The following AKAP13 variants were observed in gnomAD, a reference collection of about 807,000 sequenced individuals.
AKAP13 encodes the protein A-kinase anchor protein 13.
Under a neutral mutation model 264.5 loss-of-function variants are expected in AKAP13, and 80 were observed. That is an observed-to-expected ratio of 0.30 (90% CI 0.25 to 0.36). The LOEUF (loss-of-function observed/expected upper bound fraction) is 0.36. AKAP13 is among the 10% of genes least tolerant of loss of function. AKAP13 has a pLI of 1.00. For synonymous variants in AKAP13, 1,380 were observed against 1,250.2 expected, an observed-to-expected ratio of 1.10 and a Z score of -2.19; for missense variants, 3,712 against 3,435.2, an observed-to-expected ratio of 1.08 and a Z score of -2.01.
intron 15 of AKAP13, among the ~76,000 whole-genome samples, chr15:85,683,197 C>T (rs2084697619): frequency 6.6e-6 from 1 of 152,182 alleles, no homozygotes; most frequent in East Asian, 1.9e-4. Context: ...CTCCTTTCTA[C>T]AGCAGTGGTT....
intron 33 of AKAP13, among the ~76,000 whole-genome samples, chr15:85,737,393 T>C (rs986569750): frequency 6.6e-6 from 1 of 152,226 alleles, no homozygotes; most frequent in Non-Finnish European, 1.5e-5. Context: ...TCTGACTTTG[T>C]AAGCAGAATA....
At chr15:85,658,243 T>C (rs371031007) in intron 11 of AKAP13, among the ~76,000 whole-genome samples, 2 of 152,196 alleles carry the variant, frequency 1.3e-5, no homozygotes, top group African/African-American at 4.8e-5. Flanking sequence ...AAAACCCCTT[T>C]AAAGCTTTGA....
Position 85,550,621 on chromosome 15 carries a change from G to C in AKAP13, c.662+6666G>C, listed in dbSNP as rs143802592. On this transcript the variant is annotated intron_variant, in intron 5 of 36. Transcript: ENST00000394518. ...TTCCTCTTCAGGTACTTGACAAGTG[G>C]GTCCTCAGTAGCCCATCTGGTGCAA... Among the ~76,000 whole-genome samples, 3 of 152,230 alleles carry C rather than the reference G, an allele frequency of 2.0e-5. No individual in the cohort carries two copies. The East Asian group carries it at 5.8e-4, about 29-fold the overall frequency.
rs1246288635 is a variant in AKAP13, at chr15:85,544,026, C to T, written c.662+71C>T. The T allele has an allele frequency of 1.3e-5, 20 of 1,550,628 alleles. No individual in the cohort carries two copies. The Admixed American group carries it at 3.4e-4, about 26-fold the overall frequency. On this transcript the variant is annotated intron_variant, in intron 5 of 36. Transcript: ENST00000394518. ...CACCCCCGATTCATAGGAGTACCAC[C>T]CACTTGGCATCTCATTGTGTGTTTG...
intron 5 of AKAP13, among the ~76,000 whole-genome samples, chr15:85,548,902 C>CTTT (rs72092593): frequency 2.1e-3 from 264 of 123,314 alleles, no homozygotes; most frequent in African/African-American, 7.6e-3. Context: ...ACCTCAGTGC[C>CTTT]TTTTTTTTTT....
At chr15:85,403,282 G>C (rs1305376832) in intron 1 of AKAP13, among the ~76,000 whole-genome samples, 2 of 152,168 alleles carry the variant, frequency 1.3e-5, no homozygotes, top group African/African-American at 4.8e-5. Context: ...GATCAGTGTG[G>C]TGCTAACTTT....
intron 9 of AKAP13, among the ~76,000 whole-genome samples, chr15:85,645,607 C>T (rs182339352): frequency 6.6e-6 from 1 of 151,958 alleles, no homozygotes; most frequent in Non-Finnish European, 1.5e-5. Context: ...CTATTTCAAC[C>T]TAGAATTGGA....
chr15:85,398,564 T>C (rs2071233931), intron 1 of AKAP13, among the ~76,000 whole-genome samples: 1 of 152,132 alleles, frequency 6.6e-6, no homozygotes, highest in Non-Finnish European at 1.5e-5. Flanking sequence ...ATTTCTTTTT[T>C]GTTGTTGTTG....
intron 10 of AKAP13, among the ~76,000 whole-genome samples, chr15:85,653,850 A>G (rs1567176846): frequency 6.6e-6 from 1 of 152,204 alleles, no homozygotes; most frequent in Admixed American, 6.5e-5. Context: ...AACATCTCTT[A>G]GACACTTCTT....
chr15:85,695,661 A>G (rs1038578888), intron 17 of AKAP13, among the ~76,000 whole-genome samples: 3 of 152,154 alleles, frequency 2.0e-5, no homozygotes, highest in African/African-American at 2.4e-5. Flanking sequence ...TATTTTTTCA[A>G]AAGTAACCAA....
chr15:85,560,258 C>G (rs1022072759), intron 5 of AKAP13, among the ~76,000 whole-genome samples: 1 of 151,890 alleles, frequency 6.6e-6, no homozygotes, highest in Non-Finnish European at 1.5e-5. Context: ...CTTGACCACT[C>G]GCCTCAGCCT....
At position 85,579,298 on chromosome 15, in the gene AKAP13, G is replaced by C. The variant is rs139682746; in HGVS notation, c.1230G>C (p.Lys410Asn). ...CLQSLPDCGVKGTEGLSSCGN... is the reference protein window; with the variant it reads ...CLQSLPDCGVNGTEGLSSCGN... ...AGAGCTTGCCTGATTGTGGAGTAAA[G>C]GGCACGGAAGGCCTTTCGTCCTGTG... is the stretch of plus-strand genomic sequence containing the variant. Residue 410 changes from lysine (K) to asparagine (N), a missense_variant, in exon 7 of 37, where the codon AAG (lysine) becomes AAC (asparagine). Around this residue, in one of 3 missense-constraint regions of AKAP13, gnomAD observed 2,759 missense variants for 2,411.7 expected, o/e 1.14. Coordinates refer to ENST00000394518, the MANE Select transcript of AKAP13 (RefSeq NM_007200.5). 1.9e-6 allele frequency: 3 copies of C among 1,614,094 alleles called. No homozygotes were observed. The highest frequency in any genetic ancestry group is 2.5e-6 in the Non-Finnish European group (3 of 1,180,044).
intron 13 of AKAP13, among the ~76,000 whole-genome samples, chr15:85,667,784 T>G (rs925585766): frequency 1.3e-5 from 2 of 152,240 alleles, no homozygotes; most frequent in African/African-American, 4.8e-5. Context: ...AGGTGAGTTT[T>G]CAAGGAGGAA....
chr15:85,694,176 C>A (rs920101771), intron 17 of AKAP13, among the ~76,000 whole-genome samples: 1 of 152,236 alleles, frequency 6.6e-6, no homozygotes, highest in Admixed American at 6.5e-5. Flanking sequence ...ATGCTTCAGC[C>A]ATTACCAACA....
chr15:85,691,051 A>G (rs1166828868), intron 16 of AKAP13, among the ~76,000 whole-genome samples: 1 of 152,218 alleles, frequency 6.6e-6, no homozygotes, highest in Non-Finnish European at 1.5e-5. Context: ...AATGGGAAGC[A>G]TAATGCTCAC....
At chr15:85,598,697 G>T (rs1430941171) in intron 8 of AKAP13, among the ~76,000 whole-genome samples, 2 of 152,144 alleles carry the variant, frequency 1.3e-5, no homozygotes, top group African/African-American at 2.4e-5. Context: ...AGCTCTATTG[G>T]GAGAAACAAA....
intron 8 of AKAP13, among the ~76,000 whole-genome samples, chr15:85,600,261 ACTT>A (rs1439503158): frequency 6.6e-6 from 1 of 151,616 alleles, no homozygotes; most frequent in Non-Finnish European, 1.5e-5. Flanking sequence ...TGTTCCTGTA[ACTT>A]CTTGTGGTGT....
chr15:85,650,775 A>C (rs1036583356), intron 10 of AKAP13, among the ~76,000 whole-genome samples: 3 of 143,506 alleles, frequency 2.1e-5, no homozygotes, highest in Admixed American at 7.0e-5. Flanking sequence ...AAAAAAAAAA[A>C]AAAAAAAAAA....
chr15:85,652,093 A>G (rs2082883715), intron 10 of AKAP13, among the ~76,000 whole-genome samples: 1 of 152,216 alleles, frequency 6.6e-6, no homozygotes, highest in Admixed American at 6.5e-5. Context: ...GACTGTAGAA[A>G]TCATGTAGTT....
Sources: allele counts gnomAD v4.1 joint callset (sites outside exome capture counted in the v4.1 genomes callset), GRCh38; gene constraint gnomAD v4.1.1; regional missense constraint gnomAD v4.1.1; transcripts MANE v1.5; gene names NCBI Gene and HGNC (gene_info 2026-07-23, HGNC 2026-07-21).